HORMAD2: variants seen among roughly 807,000 people sequenced by gnomAD.
HORMAD2 encodes HORMA domain-containing protein 2.
HORMAD2 carries 45 observed loss-of-function variants against 38.8 expected under a neutral mutation model. The observed-to-expected ratio is 1.16, with a 90% confidence interval of 0.91 to 1.49. The LOEUF (loss-of-function observed/expected upper bound fraction) is 1.49, where lower values mean the gene tolerates loss of function less well. Among genes scored for constraint, HORMAD2 ranks in the 40% most tolerant of loss-of-function variants. The pLI is 0.00. For synonymous variants in HORMAD2, 126 were observed against 122.8 expected, an observed-to-expected ratio of 1.03 and a Z score of -0.17; for missense variants, 338 against 367.0, an observed-to-expected ratio of 0.92 and a Z score of 0.65.
At chr22:30,193,294 AC>A in the HORMAD2 span, among the ~76,000 whole-genome samples, 1 of 152,168 alleles carries the variant, frequency 6.6e-6, no homozygotes, top group Non-Finnish European at 1.5e-5. Context: ...CTTTAATTCA[AC>A]AAGTCCTTAT....
At chr22:30,083,293 A>T (rs1438561759) in intron 1 of HORMAD2, among the ~76,000 whole-genome samples, 1 of 152,216 alleles carries the variant, frequency 6.6e-6, no homozygotes, top group Non-Finnish European at 1.5e-5. Flanking sequence ...AATGGTATTG[A>T]TGAACTGTGA....
At chr22:30,105,006 A>C (rs1182389777) in intron 5 of HORMAD2, 1 of 153,364 alleles carries the variant, frequency 6.5e-6, no homozygotes, top group Non-Finnish European at 1.5e-5. Context: ...AGTTGAAGAG[A>C]CAAGATGTAT....
chr22:30,172,350 G>A (rs1010967843), intron 10 of HORMAD2, among the ~76,000 whole-genome samples: 9 of 152,100 alleles, frequency 5.9e-5, no homozygotes, highest in South Asian at 2.1e-4. Context: ...ATGAATTGCC[G>A]AATGTCTATT....
chr22:30,196,653 G>A, the HORMAD2 span, among the ~76,000 whole-genome samples: 1 of 152,204 alleles, frequency 6.6e-6, no homozygotes, highest in Non-Finnish European at 1.5e-5. Context: ...AAGTGGAGGA[G>A]GCAGTGATGC....
chr22:30,119,200 T>C (rs910917753), intron 8 of HORMAD2, among the ~76,000 whole-genome samples, 153 bp downstream of exon 8: 3 of 152,168 alleles, frequency 2.0e-5, no homozygotes, highest in African/African-American at 7.2e-5. Context: ...GCAACAATTG[T>C]TTACATTCCT....
intron 5 of HORMAD2, among the ~76,000 whole-genome samples, chr22:30,106,877 C>A (rs1921241528): frequency 6.6e-6 from 1 of 152,164 alleles, no homozygotes; most frequent in Non-Finnish European, 1.5e-5. Flanking sequence ...TCAGAATCAC[C>A]TGGAGGACTT....
the HORMAD2 span, among the ~76,000 whole-genome samples, chr22:30,187,754 G>C: frequency 2.1e-3 from 317 of 152,174 alleles, 1 homozygote; most frequent in African/African-American, 6.9e-3. Flanking sequence ...CCCTGAAAAT[G>C]GGCCAAATAT....
chr22:30,140,175 A>G (rs1026383495), intron 10 of HORMAD2, among the ~76,000 whole-genome samples: 6 of 152,266 alleles, frequency 3.9e-5, no homozygotes, highest in African/African-American at 1.4e-4. Flanking sequence ...GAGGCACAAG[A>G]ATTGCTTGAA....
intron 7 of HORMAD2, among the ~76,000 whole-genome samples, chr22:30,116,468 T>G (rs918396497): frequency 1.3e-5 from 2 of 152,132 alleles, no homozygotes; most frequent in African/African-American, 4.8e-5. Flanking sequence ...GCCAATGGGT[T>G]GGAATGTGGA....
At chr22:30,138,859 T>C (rs994604603) in intron 10 of HORMAD2, among the ~76,000 whole-genome samples, 2 of 152,182 alleles carry the variant, frequency 1.3e-5, no homozygotes, top group African/African-American at 4.8e-5. Flanking sequence ...CTTGGTAGGA[T>C]AGTTAATTTT....
In HORMAD2 at chr22:30,176,861, A is replaced by AG. The variant is rs1021241853; in HGVS notation, c.*695dup. On this transcript the variant is annotated 3_prime_UTR_variant, in exon 11 of 11. Coordinates refer to ENST00000336726, the MANE Select transcript of HORMAD2 (RefSeq NM_152510.4). ...TCTGTAACCTGCAAATGATGCTATT[A>AG]GTTCCCTCCTTATTCTGGAAGAATT... 2.0e-5 allele frequency: 3 copies of AG among 152,794 alleles called. No individual in the cohort carries two copies. The highest frequency in any genetic ancestry group is 7.2e-5 in the African/African-American group (3 of 41,456). The allele number at this position is 152,794 out of a possible 1,614,324, so 9.5% of individuals were successfully genotyped here.
chr22:30,105,139 C>A, intron 5 of HORMAD2: 1 of 166,944 alleles, frequency 6.0e-6, no homozygotes. Context: ...GGACATTGCG[C>A]AGCTCCTCCT....
At chr22:30,111,544 C>G (rs1038057161) in intron 5 of HORMAD2, among the ~76,000 whole-genome samples, 5 of 152,030 alleles carry the variant, frequency 3.3e-5, no homozygotes, top group Non-Finnish European at 5.9e-5. Flanking sequence ...ATATGGAAGG[C>G]TGACTTTTCA....
At chr22:30,184,184 G>C in the HORMAD2 span, among the ~76,000 whole-genome samples, 1,560 of 152,302 alleles carry the variant, frequency 0.01, 25 homozygotes, top group African/African-American at 0.036. Context: ...AATTCACAGT[G>C]ATGTCTACTA....
intron 7 of HORMAD2, among the ~76,000 whole-genome samples, chr22:30,113,501 G>A (rs973646516): frequency 1.3e-5 from 2 of 152,050 alleles, no homozygotes; most frequent in African/African-American, 4.8e-5. Flanking sequence ...TCCTCCCAAA[G>A]TGCTGGGATT....
At chr22:30,150,753 T>A (rs943738131) in intron 10 of HORMAD2, among the ~76,000 whole-genome samples, 1 of 152,206 alleles carries the variant, frequency 6.6e-6, no homozygotes, top group Non-Finnish European at 1.5e-5. Context: ...GGGGCCCAAA[T>A]AGAGATAGAG....
intron 5 of HORMAD2, among the ~76,000 whole-genome samples, chr22:30,107,519 C>T (rs990105278): frequency 2.6e-5 from 4 of 152,162 alleles, no homozygotes; most frequent in Non-Finnish European, 5.9e-5. Context: ...GAGGCTGAGA[C>T]GGGTGGATCT....
the HORMAD2 span, among the ~76,000 whole-genome samples, chr22:30,192,995 T>C: frequency 6.6e-6 from 1 of 152,134 alleles, no homozygotes; most frequent in African/African-American, 2.4e-5. Flanking sequence ...CCAGATAATA[T>C]GAAACTGGAA....
intron 1 of HORMAD2, among the ~76,000 whole-genome samples, chr22:30,090,877 A>G (rs963044794): frequency 6.6e-6 from 1 of 152,210 alleles, no homozygotes; most frequent in African/African-American, 2.4e-5. Flanking sequence ...CTATTTTAAA[A>G]TATACAATAA....
Sources: allele counts gnomAD v4.1 joint callset (sites outside exome capture counted in the v4.1 genomes callset), GRCh38; gene constraint gnomAD v4.1.1; transcripts MANE v1.5; gene names NCBI Gene and HGNC (gene_info 2026-07-23, HGNC 2026-07-21).